Variants in FBXL13 observed in about 807,000 individuals in gnomAD.
FBXL13 encodes the protein F-box and leucine-rich repeat protein 13.
Under a neutral mutation model 83.6 loss-of-function variants are expected in FBXL13, and 67 were observed. That is an observed-to-expected ratio of 0.80 (90% CI 0.66 to 0.98). The LOEUF is 0.98. Ranked by LOEUF, FBXL13 falls within the 50% of genes least tolerant of loss-of-function variation. The pLI is 0.00. For missense variants in FBXL13, 822 were observed against 866.5 expected (o/e 0.95, Z 0.64); for synonymous variants, 272 against 299.5 (o/e 0.91, Z 0.95).
At chr7:102,997,912 T>C (rs565215455) in intron 6 of FBXL13, among the ~76,000 whole-genome samples, 2 of 152,312 alleles carry the variant, frequency 1.3e-5, no homozygotes, top group South Asian at 2.1e-4. Flanking sequence ...GCTGATTTCC[T>C]TTCTTTTGGA....
intron 17 of FBXL13, among the ~76,000 whole-genome samples, chr7:102,847,536 C>CT (rs1804217765): frequency 2.6e-5 from 4 of 151,340 alleles, no homozygotes; most frequent in African/African-American, 4.9e-5. Flanking sequence ...TCTTTCTTTT[C>CT]TTTTTTTTGA....
intron 19 of FBXL13, among the ~76,000 whole-genome samples, chr7:102,816,578 T>C (rs1477337044): frequency 6.6e-6 from 1 of 152,142 alleles, no homozygotes; most frequent in Non-Finnish European, 1.5e-5. Flanking sequence ...TTCTTTATCA[T>C]AGCATCCTAT....
chr7:102,875,077 T>G (rs150143963), intron 16 of FBXL13, among the ~76,000 whole-genome samples: 74 of 152,334 alleles, frequency 4.9e-4, no homozygotes, highest in African/African-American at 1.7e-3. Context: ...TAATGTGCTT[T>G]GATTCTCTAC....
intron 6 of FBXL13, among the ~76,000 whole-genome samples, chr7:103,006,843 G>A (rs772299773): frequency 1.3e-5 from 2 of 151,500 alleles, no homozygotes. Flanking sequence ...TTATAAAAAT[G>A]TTCAAGGATA....
intron 18 of FBXL13, among the ~76,000 whole-genome samples, chr7:102,828,150 T>C (rs978207467): frequency 3.3e-5 from 5 of 152,188 alleles, no homozygotes; most frequent in Non-Finnish European, 7.3e-5. Flanking sequence ...GGGGATGGCA[T>C]TGAATCTATA....
Position 102,867,695 on chromosome 7 carries a change from A to ATTT in FBXL13, c.1635+9769_1635+9771dup, listed in dbSNP as rs1205859622. The stretch of plus-strand genomic sequence containing the variant: ...TATATATATATATATATATATATAT[A>ATTT]TTTTTTTTTTTTTTTTTTTTTTTTT... On this transcript the variant is annotated intron_variant, in intron 16 of 19. Coordinates refer to ENST00000313221, the Ensembl canonical transcript of FBXL13. 2.7e-3 allele frequency among the ~76,000 whole-genome samples: 132 copies of ATTT among 49,082 alleles called. 6 individuals are homozygous for ATTT. The highest frequency in any genetic ancestry group is 3.5e-3 in the Non-Finnish European group (108 of 30,944). 32.2% of individuals were successfully genotyped at this position (49,082 alleles called of 152,430 possible). A position where few individuals can be genotyped will look rare whatever the true frequency, so the allele number is the denominator to read the frequency against.
intron 6 of FBXL13, among the ~76,000 whole-genome samples, chr7:102,987,500 A>G (rs1411022189): frequency 6.6e-6 from 1 of 152,180 alleles, no homozygotes; most frequent in African/African-American, 2.4e-5. Flanking sequence ...ATTACATGAG[A>G]TAACTAATAG....
downstream of FBXL13, among the ~76,000 whole-genome samples, chr7:102,812,374 G>A (rs1490236261): frequency 1.3e-5 from 2 of 152,156 alleles, no homozygotes; most frequent in African/African-American, 4.8e-5. Context: ...GAATTCCTCC[G>A]TTGTGCAAAT....
chr7:102,835,703 G>A (rs1801812654), intron 17 of FBXL13, among the ~76,000 whole-genome samples: 2 of 115,720 alleles, frequency 1.7e-5, no homozygotes, highest in South Asian at 3.2e-4. Context: ...TCCGCCTCCC[G>A]GGTTCACGCC....
chr7:102,982,618 G>A (rs1414584445), intron 6 of FBXL13, among the ~76,000 whole-genome samples: 2 of 152,244 alleles, frequency 1.3e-5, no homozygotes, highest in African/African-American at 4.8e-5. Context: ...GACCCATTGA[G>A]GCATTTCTTT....
intron 17 of FBXL13, among the ~76,000 whole-genome samples, chr7:102,835,934 GACATTA>G (rs953662753): frequency 4.6e-5 from 7 of 152,170 alleles, no homozygotes; most frequent in Admixed American, 3.3e-4. Flanking sequence ...CCTTGTTAGA[GACATTA>G]ACATTGTTAG....
intron 6 of FBXL13, among the ~76,000 whole-genome samples, chr7:102,972,689 G>A (rs1826859256): frequency 1.3e-5 from 2 of 148,890 alleles, no homozygotes; most frequent in South Asian, 4.2e-4. Flanking sequence ...AATAAAGTCA[G>A]GAAAGGGGAA....
In FBXL13 at chr7:103,024,861, T is replaced by A. The variant is rs866519835; in HGVS notation, c.495+202A>T. Among the ~76,000 whole-genome samples the A allele has an allele frequency of 8.6e-3, 1,031 of 120,004 alleles. 3 individuals carry two copies. Among genetic ancestry groups the A allele is most frequent in the Non-Finnish European group, 0.013 (733 of 58,278 alleles). The allele number at this position is 120,004 out of a possible 152,430, so 78.7% of individuals were successfully genotyped here. ...TATATATATATATATATATATATTT[T>A]TTTTTTTTTTTTTTTTGAGATGGAG... On this transcript the variant is annotated intron_variant, in intron 6 of 19. Coordinates refer to ENST00000313221, the Ensembl canonical transcript of FBXL13.
At chr7:103,022,814 A>G (rs1793365497) in intron 6 of FBXL13, among the ~76,000 whole-genome samples, 1 of 152,224 alleles carries the variant, frequency 6.6e-6, no homozygotes, top group African/African-American at 2.4e-5. Flanking sequence ...AAAAACAAAA[A>G]TTAACAAATG....
chr7:103,032,776 T>G (rs1455563740), intron 2 of FBXL13, among the ~76,000 whole-genome samples: 3 of 152,212 alleles, frequency 2.0e-5, no homozygotes, highest in Non-Finnish European at 4.4e-5. Context: ...ACACTTGCAA[T>G]CCCAAAACGT....
chr7:102,812,184 TCA>T (rs1340926921), downstream of FBXL13, among the ~76,000 whole-genome samples: 13 of 152,198 alleles, frequency 8.5e-5, no homozygotes, highest in African/African-American at 3.1e-4. Flanking sequence ...TGTGTCAACA[TCA>T]GTGTTACATA....
chr7:102,891,046 T>G (rs1019582619), intron 11 of FBXL13, among the ~76,000 whole-genome samples: 1 of 152,228 alleles, frequency 6.6e-6, no homozygotes, highest in Non-Finnish European at 1.5e-5. Context: ...TCAAAACTAT[T>G]ATGGAACATT....
intron 7 of FBXL13, among the ~76,000 whole-genome samples, chr7:102,967,397 T>C (rs1430667624): frequency 6.6e-6 from 1 of 152,108 alleles, no homozygotes; most frequent in Non-Finnish European, 1.5e-5. Context: ...CTCAGCCTCC[T>C]GAGTAACTGG....
chr7:102,961,641 T>G (rs1255169363), intron 8 of FBXL13, among the ~76,000 whole-genome samples: 2 of 151,796 alleles, frequency 1.3e-5, no homozygotes, highest in African/African-American at 2.4e-5. Flanking sequence ...AACAGAGATA[T>G]AGACCAATGG....
Sources: allele counts gnomAD v4.1 joint callset (sites outside exome capture counted in the v4.1 genomes callset), GRCh38; gene constraint gnomAD v4.1.1; transcripts MANE v1.5; gene names NCBI Gene and HGNC (gene_info 2026-07-23, HGNC 2026-07-21).